The following MVD variants were observed in gnomAD, a reference collection of about 807,000 sequenced individuals.
MVD encodes diphosphomevalonate decarboxylase.
MVD carries 52 observed loss-of-function variants against 42.4 expected under a neutral mutation model. That is an observed-to-expected ratio of 1.23 (90% CI 0.98 to 1.55). The LOEUF (loss-of-function observed/expected upper bound fraction) is 1.55. MVD is among the 40% of genes most tolerant of loss of function. MVD has a pLI of 0.00. For synonymous variants in MVD, 287 were observed against 243.2 expected (o/e 1.18, Z -1.68); for missense variants, 663 against 572.1 (o/e 1.16, Z -1.62).
At chr16:88,658,767 C>G (rs747413432) in intron 1 of MVD, 47 bp from the exon 2 acceptor site, 1 of 1,491,540 alleles carries the variant, frequency 6.7e-7, no homozygotes, top group South Asian at 1.2e-5. Context: ...CCGGCCCACC[C>G]TCCCCCAGTG....
At chr16:88,654,024 CA>C (rs149904137) in intron 8 of MVD, among the ~76,000 whole-genome samples, 5,195 of 152,156 alleles carry the variant, frequency 0.034, 136 homozygotes, top group Middle Eastern at 0.088. Flanking sequence ...AATAAGACAC[CA>C]TGAAAACACG....
chr16:88,661,963 C>G (rs1347776915), intron 1 of MVD: 2 of 150,658 alleles, frequency 1.3e-5, no homozygotes, highest in Non-Finnish European at 2.9e-5. Context: ...TACACACACA[C>G]AAACATACAT....
At chr16:88,662,961 C>T (rs1908407084) in intron 1 of MVD, 50 bp downstream of exon 1, 1 of 1,567,544 alleles carries the variant, frequency 6.4e-7, no homozygotes, top group Non-Finnish European at 8.6e-7. Context: ...CCCCGCGTAC[C>T]CGGCCTCGCT....
At chr16:88,658,832 T>C in intron 1 of MVD, 112 bp from the exon 2 acceptor site, 1 of 707,438 alleles carries the variant, frequency 1.4e-6, no homozygotes. Flanking sequence ...CTCAGTCCCG[T>C]CTCTCACCGC....
At chr16:88,652,750 T>G in intron 9 of MVD, 145 bp from the exon 10 acceptor site, 1 of 764,434 alleles carries the variant, frequency 1.3e-6, no homozygotes, top group Non-Finnish European at 2.1e-6. Context: ...GCCTGAGTGG[T>G]GACACCCACA....
chr16:88,661,005 C>CAAAAAAAAAAAAAAAAAAAAAAAAAAAA, intron 1 of MVD: 1 of 50,590 alleles, frequency 2.0e-5, no homozygotes, highest in South Asian at 1.1e-3. Context: ...GACTCTGTCT[C>CAAAAAAAAAAAAAAAAAAAAAAAAAAAA]AAAAAAAAAA....
In MVD at chr16:88,656,291, G is replaced by A; in HGVS notation, c.417C>T (p.Ala139=). 6.3e-7 allele frequency: 1 copy of A among 1,599,562 alleles called. No homozygotes were observed. Among genetic ancestry groups the A allele is most frequent in the Non-Finnish European group, 8.5e-7 (1 of 1,179,922 alleles). The part of the protein sequence containing the change: ...AGYACLAYTL[A]RVYGVESDLS... ...GGTCACTCTCCACGCCGTAGACACGGGCCAGGGTGTAGGCTGCAGGCATGC... is the reference window on the plus strand; with the variant it reads ...GGTCACTCTCCACGCCGTAGACACGAGCCAGGGTGTAGGCTGCAGGCATGC... The change falls in exon 5 of 10, where the codon GCC becomes GCT. Residue 139 remains alanine, a synonymous_variant. Coordinates refer to ENST00000301012, the MANE Select transcript of MVD (RefSeq NM_002461.3).
chr16:88,658,325 G>A (rs1908074705), intron 2 of MVD, among the ~76,000 whole-genome samples: 1 of 152,206 alleles, frequency 6.6e-6, no homozygotes, highest in Non-Finnish European at 1.5e-5. Context: ...GGGCACATGT[G>A]TGCTGTGCTC....
intron 2 of MVD, 131 bp from the exon 3 acceptor site, chr16:88,658,160 G>A (rs923985519): frequency 1.3e-5 from 11 of 864,034 alleles, no homozygotes; most frequent in Middle Eastern, 2.7e-4. Context: ...GGCAGGGGGG[G>A]AAAGGCCAGT....
In MVD at chr16:88,656,322, CA is replaced by C. The variant is rs747614613; in HGVS notation, c.404-19del. 16 of 1,598,480 alleles carry C rather than the reference CA, an allele frequency of 1.0e-5. No homozygotes were observed. The Admixed American group carries it at 2.7e-4, about 27-fold the overall frequency. ...GGTGTAGGCTGCAGGCATGCGGATTCAGGGAGGGTCCTCAGAGCTGCCTGCG... is the reference window on the plus strand; with the variant it reads ...GGTGTAGGCTGCAGGCATGCGGATTCGGGAGGGTCCTCAGAGCTGCCTGCG... On this transcript the variant is annotated intron_variant, in intron 4 of 9. Coordinates refer to ENST00000301012, the MANE Select transcript of MVD (RefSeq NM_002461.3).
chr16:88,652,138 C>T lies in MVD; in HGVS notation c.*387G>A. ...TCCTGAGGCCCAAGGAGGCTGCTCCCAGCACGGTGACCCCTTCCCTGGTCC... is the reference window on the plus strand; with the variant it reads ...TCCTGAGGCCCAAGGAGGCTGCTCCTAGCACGGTGACCCCTTCCCTGGTCC... On this transcript the variant is annotated 3_prime_UTR_variant, in exon 10 of 10. Coordinates refer to ENST00000301012, the MANE Select transcript of MVD (RefSeq NM_002461.3). The T allele has an allele frequency of 3.1e-6, 1 of 323,776 alleles. No individual in the cohort carries two copies. Among genetic ancestry groups the T allele is most frequent in the Non-Finnish European group, 5.9e-6 (1 of 169,460 alleles). The allele number at this position is 323,776 out of a possible 1,614,324, so 20.1% of individuals were successfully genotyped here.
intron 8 of MVD, among the ~76,000 whole-genome samples, chr16:88,654,058 C>CGGGGCGTAA (rs1191754606): frequency 1.3e-5 from 2 of 152,068 alleles, no homozygotes; most frequent in Non-Finnish European, 2.9e-5. Flanking sequence ...TCAACAGCCC[C>CGGGGCGTAA]GGGGCGTAAG....
rs912126399 is a variant in MVD, at chr16:88,656,153, T to C, written c.555A>G (p.Gln185=). ...CAGGCCAGTGTGACTCGGGGGCCAC[T>C]TGCCGAGCGATGCTGTCCTTCCCGT... The part of the protein sequence containing the change: ...QADGKDSIAR[Q]VAPESHWPEL... Residue 185 remains glutamine (Q), a synonymous_variant, in exon 5 of 10, where the codon CAA becomes CAG. Coordinates refer to ENST00000301012, the MANE Select transcript of MVD (RefSeq NM_002461.3). 2 of 1,602,014 alleles carry C rather than the reference T, an allele frequency of 1.2e-6. No individual in the cohort carries two copies. The highest frequency in any genetic ancestry group is 1.7e-6 in the Non-Finnish European group (2 of 1,179,812).
intron 1 of MVD, chr16:88,660,805 A>C (rs1175067116): frequency 6.6e-6 from 1 of 151,638 alleles, no homozygotes. Flanking sequence ...CAGGAGCTTC[A>C]GACCAGCCTG....
At chr16:88,660,998 T>G in intron 1 of MVD, 2 of 98,082 alleles carry the variant, frequency 2.0e-5, no homozygotes, top group Non-Finnish European at 3.7e-5. Flanking sequence ...AGAGCAAGAC[T>G]CTGTCTCAAA....
rs145441544 is a variant in MVD at position 88,653,347 on chromosome 16, C to G, written c.1075G>C (p.Ala359Pro). Residue 359 changes from alanine (A) to proline (P), a missense_variant, in exon 9 of 10, where the codon GCC becomes CCC. By Grantham distance (27) the Ala-to-Pro change is conservative (BLOSUM62 -1). Coordinates refer to ENST00000301012, the MANE Select transcript of MVD (RefSeq NM_002461.3). Reference sequence around the variant, plus strand: ...ACCCCACCGGGGGTCGGCTCCATGGCCAGCGCAGCCTGAAGCTCAGCTGAG... The same window carrying G: ...ACCCCACCGGGGGTCGGCTCCATGGGCAGCGCAGCCTGAAGCTCAGCTGAG... ...PLSAELQAAL[A>P]MEPTPGGVKY... 40 of 1,598,950 alleles carry G rather than the reference C, an allele frequency of 2.5e-5. No individual in the cohort carries two copies. The highest frequency in any genetic ancestry group is 2.7e-5 in the African/African-American group (2 of 73,638).
chr16:88,662,736 G>T (rs1176758530), intron 1 of MVD: 2 of 1,463,694 alleles, frequency 1.4e-6, no homozygotes, highest in African/African-American at 1.5e-5. Context: ...GATGATTGAT[G>T]ATTTCGATAG....
chr16:88,661,582 C>T (rs1020372417), intron 1 of MVD, among the ~76,000 whole-genome samples: 1 of 151,760 alleles, frequency 6.6e-6, no homozygotes, highest in Admixed American at 6.6e-5. Context: ...CCAGTTCGAG[C>T]GTGGACACAG....
intron 1 of MVD, chr16:88,661,005 C>CAAAAAAAAA (rs60124992): frequency 4.0e-5 from 2 of 50,586 alleles, no homozygotes; most frequent in African/African-American, 1.5e-4. Flanking sequence ...GACTCTGTCT[C>CAAAAAAAAA]AAAAAAAAAA....
Sources: allele counts gnomAD v4.1 joint callset (sites outside exome capture counted in the v4.1 genomes callset), GRCh38; gene constraint gnomAD v4.1.1; transcripts MANE v1.5; gene names NCBI Gene and HGNC (gene_info 2026-07-23, HGNC 2026-07-21).